WDR41: variants seen among roughly 807,000 people sequenced by gnomAD.
WDR41 encodes the protein WD repeat domain 41.
A neutral mutation model predicts 69.3 loss-of-function variants in WDR41; 63 were observed. The ratio of observed to expected loss-of-function variants is 0.91; its 90% CI spans 0.74 to 1.12. WDR41 has a LOEUF of 1.12. Among genes scored for constraint, WDR41 ranks in the 50% most tolerant of loss-of-function variants. The pLI is 0.00. For synonymous variants in WDR41, 185 were observed against 192.1 expected, an observed-to-expected ratio of 0.96 and a Z score of 0.31; for missense variants, 543 against 534.5, an observed-to-expected ratio of 1.02 and a Z score of -0.16.
At position 77,438,365 on chromosome 5, in the gene WDR41, G is replaced by A; in HGVS notation, c.883-4C>T. 1.2e-6 allele frequency: 2 copies of A among 1,613,670 alleles called. No homozygotes were observed. Among genetic ancestry groups the A allele is most frequent in the Non-Finnish European group, 1.7e-6 (2 of 1,179,712 alleles). ...TTCCAACTGCAGCAAATACATTCTA[G>A]GGGAAGAAGTTCAGAAATGGGCATA... On this transcript the variant is annotated splice_polypyrimidine_tract_variant and splice_region_variant and intron_variant, in intron 9 of 12. Coordinates refer to ENST00000296679, the MANE Select transcript of WDR41 (RefSeq NM_018268.4).
intron 2 of WDR41, among the ~76,000 whole-genome samples, chr5:77,469,947 G>A (rs1447455778): frequency 6.6e-6 from 1 of 151,394 alleles, no homozygotes; most frequent in East Asian, 1.9e-4. Flanking sequence ...GATACTCCTC[G>A]AGAAGAGCAA....
At chr5:77,497,561 C>T (rs1801951981) in intron 1 of WDR41, among the ~76,000 whole-genome samples, 1 of 152,168 alleles carries the variant, frequency 6.6e-6, no homozygotes, top group Admixed American at 6.5e-5. Flanking sequence ...CCATTTCACA[C>T]ATACTAGGAT....
At chr5:77,513,979 T>C (rs961401168) in intron 1 of WDR41, among the ~76,000 whole-genome samples, 18 of 152,038 alleles carry the variant, frequency 1.2e-4, no homozygotes, top group Non-Finnish European at 2.4e-4. Flanking sequence ...AAAAAAACTT[T>C]AATTTTTTTC....
chr5:77,575,967 G>A (rs1004818074), intron 1 of WDR41, among the ~76,000 whole-genome samples: 1 of 152,124 alleles, frequency 6.6e-6, no homozygotes, highest in South Asian at 2.1e-4. Context: ...TGAGTACTCC[G>A]CTGACAGGCA....
At chr5:77,547,611 C>G (rs966242606) in intron 1 of WDR41, among the ~76,000 whole-genome samples, 1 of 149,518 alleles carries the variant, frequency 6.7e-6, no homozygotes, top group South Asian at 2.1e-4. Context: ...AATTACAAAA[C>G]ACTGCTGAAA....
At chr5:77,597,136 A>C (rs1385171811) in intron 1 of WDR41, among the ~76,000 whole-genome samples, 3 of 151,876 alleles carry the variant, frequency 2.0e-5, no homozygotes, top group African/African-American at 7.3e-5. Context: ...AAAAAGAAGA[A>C]AAAGAAAAAA....
chr5:77,482,878 C>G (rs1029471746), intron 2 of WDR41, among the ~76,000 whole-genome samples: 3 of 145,278 alleles, frequency 2.1e-5, no homozygotes, highest in African/African-American at 7.6e-5. Context: ...AAAAAAAAAG[C>G]ACACATCACC....
At chr5:77,438,134 G>C in intron 10 of WDR41, 106 bp downstream of exon 10, 9 of 1,519,234 alleles carry the variant, frequency 5.9e-6, no homozygotes, top group Non-Finnish European at 7.2e-6. Flanking sequence ...GAACACAGCA[G>C]GTCAAGCCAT....
chr5:77,459,014 A>G lies in WDR41; in HGVS notation c.411+48T>C, dbSNP rs57574975. 3.7e-3 allele frequency: 5,026 copies of G among 1,375,084 alleles called. 106 individuals are homozygous for G. The African/African-American group carries it at 0.058, about 16-fold the overall frequency. 85.2% of individuals were successfully genotyped at this position (1,375,084 alleles called of 1,614,324 possible). On this transcript the variant is annotated intron_variant, in intron 5 of 12. Transcript: ENST00000296679. ...CTAACTCTTTAAACCATGTCTTCTG[A>G]GACAAAAATAGATTGTCATAAAAAC... is the stretch of plus-strand genomic sequence containing the variant.
At chr5:77,568,721 G>C (rs1424648279) in intron 1 of WDR41, among the ~76,000 whole-genome samples, 2 of 152,120 alleles carry the variant, frequency 1.3e-5, no homozygotes, top group African/African-American at 4.8e-5. Flanking sequence ...CTAGTATGTG[G>C]TAGATAGGAG....
intron 1 of WDR41, among the ~76,000 whole-genome samples, chr5:77,530,591 C>T (rs1049387657): frequency 6.6e-6 from 1 of 151,678 alleles, no homozygotes; most frequent in South Asian, 2.1e-4. Context: ...AAAACTTCCT[C>T]TACTCTTGGG....
intron 1 of WDR41, among the ~76,000 whole-genome samples, chr5:77,540,978 G>A (rs910825057): frequency 1.1e-4 from 16 of 152,136 alleles, no homozygotes; most frequent in African/African-American, 3.9e-4. Flanking sequence ...AAAATCTGAG[G>A]CTACTGCTAT....
At chr5:77,578,861 T>G (rs1743882048) in intron 1 of WDR41, among the ~76,000 whole-genome samples, 1 of 63,620 alleles carries the variant, frequency 1.6e-5, no homozygotes, top group Non-Finnish European at 2.6e-5. Context: ...CAAAACTCCA[T>G]CTCAAAAAAA....
intron 1 of WDR41, among the ~76,000 whole-genome samples, chr5:77,529,570 T>C (rs1489692850): frequency 1.3e-5 from 2 of 151,560 alleles, no homozygotes; most frequent in Admixed American, 6.6e-5. Context: ...AAGACAATCT[T>C]GGAAAAGAAC....
At chr5:77,529,066 T>G (rs1000293873) in intron 1 of WDR41, among the ~76,000 whole-genome samples, 1 of 151,416 alleles carries the variant, frequency 6.6e-6, no homozygotes. Flanking sequence ...TTAAAATGTA[T>G]AAGAATTGGA....
chr5:77,496,910 A>G (rs1429020383), upstream of WDR41, among the ~76,000 whole-genome samples: 2 of 152,190 alleles, frequency 1.3e-5, no homozygotes, highest in African/African-American at 2.4e-5. Context: ...CATGTAGACC[A>G]ATGGAATAGA....
At chr5:77,540,378 T>C (rs1209726175) in intron 1 of WDR41, 2 of 152,222 alleles carry the variant, frequency 1.3e-5, no homozygotes, top group African/African-American at 4.8e-5. Context: ...TGGCTAGACA[T>C]TTATAAGCTA....
chr5:77,614,823 T>C (rs1006680745), intron 1 of WDR41, among the ~76,000 whole-genome samples: 11 of 147,180 alleles, frequency 7.5e-5, no homozygotes, highest in South Asian at 2.2e-4. Context: ...AAAAAAGAAA[T>C]GTGGAGGAGA....
intron 1 of WDR41, among the ~76,000 whole-genome samples, chr5:77,532,731 C>G (rs1311418637): frequency 6.6e-6 from 1 of 151,910 alleles, no homozygotes; most frequent in Non-Finnish European, 1.5e-5. Context: ...AACTCAAAAA[C>G]AGGCAAAACT....
Sources: gnomAD v4.1 joint callset for allele counts (sites outside exome capture counted in the v4.1 genomes callset) on GRCh38, gnomAD v4.1.1 for gene constraint, MANE v1.5 for transcripts, NCBI Gene and HGNC (gene_info 2026-07-23, HGNC 2026-07-21) for gene names.